Variants in PPP2R5C observed in about 807,000 individuals in gnomAD.
PPP2R5C encodes the protein serine/threonine-protein phosphatase 2A 56 kDa regulatory subunit gamma isoform.
In PPP2R5C, 7 loss-of-function variants were observed where a neutral mutation model predicts 68.9. The observed-to-expected ratio is 0.10, with a 90% CI of 0.06 to 0.19. The LOEUF (loss-of-function observed/expected upper bound fraction) is 0.19. PPP2R5C is among the 10% of genes least tolerant of loss of function. The pLI is 1.00. For missense variants in PPP2R5C, 348 were observed against 641.3 expected, an observed-to-expected ratio of 0.54 and a Z score of 4.94; for synonymous variants, 210 against 222.2, an observed-to-expected ratio of 0.95 and a Z score of 0.49.
At chr14:101,914,510 A>AAAGTTGGGTTTTCC (rs1338431014) in intron 12 of PPP2R5C, 38 of 172,326 alleles carry the variant, frequency 2.2e-4, no homozygotes, top group Middle Eastern at 2.9e-3. Context: ...TTGGGTTTTC[A>AAAGTTGGGTTTTCC]AAGTTTGGTT....
At chr14:101,857,092 A>C (rs1043047200) in intron 2 of PPP2R5C, among the ~76,000 whole-genome samples, 1 of 152,384 alleles carries the variant, frequency 6.6e-6, no homozygotes, top group South Asian at 2.1e-4. Context: ...TCTAGGGACC[A>C]GTCTAAGTGC....
intron 5 of PPP2R5C, among the ~76,000 whole-genome samples, chr14:101,885,780 A>T (rs1167305925): frequency 6.6e-6 from 1 of 152,184 alleles, no homozygotes; most frequent in Non-Finnish European, 1.5e-5. Context: ...TGGTATCATG[A>T]TTCCTTTTTA....
At chr14:101,764,837 T>C (rs2036769081) in intron 2 of PPP2R5C, among the ~76,000 whole-genome samples, 1 of 150,954 alleles carries the variant, frequency 6.6e-6, no homozygotes, top group African/African-American at 2.4e-5. Flanking sequence ...TGATCTTTCA[T>C]TAAAACTGCT....
intron 2 of PPP2R5C, among the ~76,000 whole-genome samples, chr14:101,774,991 A>G (rs2037343432): frequency 6.6e-6 from 1 of 152,222 alleles, no homozygotes; most frequent in South Asian, 2.1e-4. Context: ...TTGATTTACA[A>G]AAATAACCAG....
chr14:101,767,573 T>A (rs1221392241), intron 2 of PPP2R5C, among the ~76,000 whole-genome samples: 1 of 152,086 alleles, frequency 6.6e-6, no homozygotes, highest in South Asian at 2.1e-4. Flanking sequence ...TCTTCCCACC[T>A]TTTTTTCCAT....
chr14:101,854,760 A>G (rs2042325170), intron 1 of PPP2R5C, among the ~76,000 whole-genome samples: 1 of 152,210 alleles, frequency 6.6e-6, no homozygotes, highest in Non-Finnish European at 1.5e-5. Context: ...GAATTTAGCT[A>G]TTGCTACTGA....
chr14:101,903,631 G>T (rs1273281475), intron 9 of PPP2R5C, among the ~76,000 whole-genome samples: 1 of 151,940 alleles, frequency 6.6e-6, no homozygotes, highest in Admixed American at 6.6e-5. Flanking sequence ...GTACATTCCA[G>T]AATCTTTTCC....
At chr14:101,865,794 C>T (rs1225767342) in intron 2 of PPP2R5C, among the ~76,000 whole-genome samples, 1 of 152,198 alleles carries the variant, frequency 6.6e-6, no homozygotes, top group Non-Finnish European at 1.5e-5. Context: ...GACAAGCCTC[C>T]AAGATTTCTC....
intron 1 of PPP2R5C, among the ~76,000 whole-genome samples, chr14:101,841,608 G>C (rs1366220839): frequency 6.6e-6 from 1 of 152,246 alleles, no homozygotes; most frequent in Non-Finnish European, 1.5e-5. Context: ...GGTGGGGCGA[G>C]GAAAGGGGGT....
Position 101,797,459 on chromosome 14 carries a change from A to G in PPP2R5C, c.259+11276A>G. ...CACAGTGTGTCTCCTGAAGGAATGA[A>G]AAGCCCTCCTGGCCCCTCTGCCCTC... On this transcript the variant is annotated intron_variant, in intron 3 of 14. Coordinates refer to the PPP2R5C transcript ENST00000328724. This position sits in a 1 kb window ranked among gnomAD's most constrained non-coding sequence, Gnocchi z 4.2. 1 of 366,106 alleles carries G rather than the reference A, an allele frequency of 2.7e-6. No homozygotes were observed. The highest frequency in any genetic ancestry group is 2.0e-5 in the South Asian group (1 of 50,742). The allele number at this position is 366,106 out of a possible 1,614,324, so 22.7% of individuals were successfully genotyped here.
exon 14 of PPP2R5C, chr14:101,925,166 GTCC>G (rs2047228830): frequency 1.9e-6 from 3 of 1,614,076 alleles, no homozygotes; most frequent in African/African-American, 1.3e-5. Context: ...AAGAAGGACC[GTCC>G]TCTTGCACGC....
chr14:101,838,563 T>C (rs1248053423), intron 1 of PPP2R5C, among the ~76,000 whole-genome samples: 8 of 152,210 alleles, frequency 5.3e-5, no homozygotes, highest in African/African-American at 1.9e-4. Flanking sequence ...GCCCCTCCTT[T>C]ACCTTCAGGG....
intron 3 of PPP2R5C, among the ~76,000 whole-genome samples, chr14:101,804,234 G>T (rs2038985684): frequency 3.9e-5 from 6 of 152,186 alleles, no homozygotes; most frequent in Admixed American, 3.9e-4. Flanking sequence ...ATGCTGGAGA[G>T]GATGTGGGGA....
chr14:101,893,165 A>C, intron 7 of PPP2R5C, 57 bp downstream of exon 9: 1 of 1,228,842 alleles, frequency 8.1e-7, no homozygotes, highest in South Asian at 1.2e-5. Flanking sequence ...AGGATTGAAC[A>C]CGAGATAGTG....
intron 2 of PPP2R5C, among the ~76,000 whole-genome samples, chr14:101,764,776 C>T (rs1414914340): frequency 1.4e-5 from 2 of 143,948 alleles, no homozygotes; most frequent in Non-Finnish European, 1.5e-5. Flanking sequence ...AATGTAGGTG[C>T]TTTATGAAGG....
In PPP2R5C at chr14:101,831,608, A is replaced by T. The variant is rs1210227026; in HGVS notation, c.94+21572A>T. On this transcript the variant is annotated intron_variant, in intron 1 of 13. Coordinates refer to ENST00000334743, the Ensembl canonical transcript of PPP2R5C. ...AACTCCTTATCATAGTACATTCCTT[A>T]AATAAGTACAAGAATTACAGTTGAC... 4 of 590,046 alleles carry T rather than the reference A, an allele frequency of 6.8e-6. No homozygotes were observed. In the East Asian group the frequency reaches 1.1e-4, roughly 17 times the overall value. 36.6% of individuals were successfully genotyped at this position (590,046 alleles called of 1,614,324 possible).
intron 2 of PPP2R5C, among the ~76,000 whole-genome samples, chr14:101,777,564 G>A (rs368610124): frequency 6.6e-6 from 1 of 152,058 alleles, no homozygotes; most frequent in African/African-American, 2.4e-5. Flanking sequence ...TGGCCAGGCT[G>A]GTCTCAAACT....
intron 1 of PPP2R5C, among the ~76,000 whole-genome samples, chr14:101,812,624 G>T (rs1005152911): frequency 2.0e-5 from 3 of 152,208 alleles, no homozygotes; most frequent in Admixed American, 1.3e-4. Context: ...TACAGTAGTG[G>T]TATTTTCCCC....
At chr14:101,904,445 C>T (rs1041286860) in intron 9 of PPP2R5C, among the ~76,000 whole-genome samples, 4 of 152,192 alleles carry the variant, frequency 2.6e-5, no homozygotes, top group Admixed American at 6.5e-5. Flanking sequence ...CCACCATGCC[C>T]GGCCTAGATG....
Sources: gnomAD v4.1 joint callset for allele counts (sites outside exome capture counted in the v4.1 genomes callset) on GRCh38, gnomAD v4.1.1 for gene constraint, Gnocchi (gnomAD v3.1) non-coding constraint, MANE v1.5 for transcripts, NCBI Gene and HGNC (gene_info 2026-07-23, HGNC 2026-07-21) for gene names.